The following TSPEAR variants were observed in gnomAD, a reference collection of about 807,000 sequenced individuals.
The protein encoded by TSPEAR is thrombospondin type laminin G domain and EAR repeats.
Under a neutral mutation model 71.6 loss-of-function variants are expected in TSPEAR, and 69 were observed. The observed-to-expected ratio is 0.96, with a 90% CI of 0.79 to 1.18. The LOEUF (loss-of-function observed/expected upper bound fraction) is 1.18, where lower values mean the gene tolerates loss of function less well. Among genes scored for constraint, TSPEAR ranks in the 50% most tolerant of loss-of-function variants. The pLI is 0.00. For missense variants in TSPEAR, 971 were observed against 894.9 expected (o/e 1.09, Z -1.09); for synonymous variants, 402 against 387.2 (o/e 1.04, Z -0.45).
intron 1 of TSPEAR, among the ~76,000 whole-genome samples, chr21:44,579,015 G>T (rs587598002): frequency 1.3e-5 from 2 of 152,282 alleles, no homozygotes; most frequent in East Asian, 3.9e-4. Flanking sequence ...TGTCTCCTGC[G>T]CAGGTGCAGC....
intron 9 of TSPEAR, chr21:44,518,224 T>C (rs782068028): frequency 2.3e-6 from 1 of 434,068 alleles, no homozygotes; most frequent in Non-Finnish European, 4.7e-6. Context: ...TAGCTCAGTT[T>C]CTTTCAGCCT....
intron 8 of TSPEAR, among the ~76,000 whole-genome samples, chr21:44,523,000 C>T (rs1413721488): frequency 6.6e-6 from 1 of 152,132 alleles, no homozygotes; most frequent in East Asian, 1.9e-4. Flanking sequence ...GATAGTCAGT[C>T]ATCAGTTAGT....
chr21:44,641,726 C>G (rs142724693), intron 1 of TSPEAR, among the ~76,000 whole-genome samples: 6 of 152,260 alleles, frequency 3.9e-5, no homozygotes, highest in Non-Finnish European at 8.8e-5. Context: ...AGGTTCTAGA[C>G]AGAGGAAAGA....
intron 1 of TSPEAR, among the ~76,000 whole-genome samples, chr21:44,700,342 T>A (rs1182377943): frequency 6.6e-6 from 1 of 152,132 alleles, no homozygotes; most frequent in Non-Finnish European, 1.5e-5. Flanking sequence ...GCCGTTCCTC[T>A]GTCCTTGCTG....
intron 1 of TSPEAR, among the ~76,000 whole-genome samples, chr21:44,661,949 A>G (rs914315188): frequency 6.6e-6 from 1 of 152,204 alleles, no homozygotes; most frequent in Non-Finnish European, 1.5e-5. Context: ...TCAACATGAG[A>G]TTTGGGCGGG....
intron 1 of TSPEAR, chr21:44,637,996 C>T (rs782363375): frequency 1.2e-6 from 2 of 1,613,858 alleles, no homozygotes; most frequent in Non-Finnish European, 1.7e-6. Flanking sequence ...TGTCCCTCCT[C>T]TGCCACCCTG....
chr21:44,689,274 G>A (rs112685608), intron 1 of TSPEAR, among the ~76,000 whole-genome samples: 133 of 152,250 alleles, frequency 8.7e-4, no homozygotes, highest in Non-Finnish European at 1.5e-3. Flanking sequence ...AGGCCGAGGC[G>A]GGCGGATCAC....
rs1555923137 is a variant in TSPEAR, at chr21:44,573,928, G to T, written c.83-5923C>A. 2.5e-6 allele frequency: 4 copies of T among 1,612,628 alleles called. No individual in the cohort carries two copies. In the Admixed American group the frequency reaches 6.7e-5, roughly 27 times the overall value. On this transcript the variant is annotated intron_variant, in intron 1 of 11. Transcript: ENST00000323084. ...CCGGCCCCCTGCCTGAGCCTGGTCTGCACCCCAGTGAGCCGTGTGTCCAGC... is the reference window on the plus strand; with the variant it reads ...CCGGCCCCCTGCCTGAGCCTGGTCTTCACCCCAGTGAGCCGTGTGTCCAGC...
In TSPEAR at chr21:44,677,204, A is replaced by T. The variant is rs370047622; in HGVS notation, c.82+34229T>A. 6.8e-4 allele frequency: 488 copies of T among 712,486 alleles called. 8 individuals carry two copies. In the South Asian group the frequency reaches 7.0e-3, roughly 10 times the overall value. The allele number at this position is 712,486 out of a possible 1,614,324, so 44.1% of individuals were successfully genotyped here. A position where few individuals can be genotyped will look rare whatever the true frequency, so the allele number is the denominator to read the frequency against. On this transcript the variant is annotated intron_variant, in intron 1 of 11. Coordinates refer to ENST00000323084, the MANE Select transcript of TSPEAR (RefSeq NM_144991.3). ...CTTCTTTCTTTGCATTTTCAGTCAC[A>T]CTTTTCATCTTCTCTACCTCTTCTT...
Position 44,623,010 on chromosome 21 carries a change from T to G in TSPEAR, c.83-55005A>C, listed in dbSNP as rs78419469. ...CTTGCTACTCTTTTGCCATGTGACA[T>G]GCCCACTCCCCCTTCACCTTCCACC... On this transcript the variant is annotated intron_variant, in intron 1 of 11. Coordinates refer to ENST00000323084, the MANE Select transcript of TSPEAR (RefSeq NM_144991.3). The surrounding 1 kb of genome is among the most constrained non-coding windows in gnomAD (Gnocchi z 4.5). 0.017 allele frequency among the ~76,000 whole-genome samples: 2,648 copies of G among 152,258 alleles called. 87 individuals carry two copies. Among genetic ancestry groups the G allele is most frequent in the African/African-American group, 0.06 (2,500 of 41,536 alleles).
intron 1 of TSPEAR, chr21:44,591,528 G>C: frequency 6.2e-7 from 1 of 1,612,606 alleles, no homozygotes; most frequent in Non-Finnish European, 8.5e-7. Context: ...AGGAGGGGAC[G>C]GGCACGCAGC....
intron 1 of TSPEAR, among the ~76,000 whole-genome samples, chr21:44,632,437 A>C (rs1555935882): frequency 2.6e-5 from 4 of 152,252 alleles, no homozygotes; most frequent in Non-Finnish European, 5.9e-5. Flanking sequence ...ACTTCTGGAT[A>C]AATAAATGCT....
chr21:44,539,300 CCT>C, intron 2 of TSPEAR: 2 of 1,608,274 alleles, frequency 1.2e-6, no homozygotes, highest in Non-Finnish European at 1.7e-6. Flanking sequence ...TGAGCAGAGG[CCT>C]CAGCAGGCCG....
rs1378796088 is a variant in TSPEAR, at chr21:44,606,616, C to T, written c.83-38611G>A. The stretch of plus-strand genomic sequence containing the variant: ...ATTCACAATAGCCTAGGTATGGAAT[C>T]GATCTCAGTTCATCAATTGATGAAT... On this transcript the variant is annotated intron_variant, in intron 1 of 11. Transcript: ENST00000323084. Among the ~76,000 whole-genome samples the T allele has an allele frequency of 5.9e-5, 9 of 152,118 alleles. No individual in the cohort carries two copies. In the East Asian group the frequency reaches 1.3e-3, roughly 23 times the overall value.
intron 8 of TSPEAR, among the ~76,000 whole-genome samples, chr21:44,525,037 GGTCA>G (rs1237525437): frequency 2.0e-5 from 3 of 148,470 alleles, no homozygotes; most frequent in Non-Finnish European, 4.5e-5. Context: ...TCATTCAGGT[GGTCA>G]GTCAGTCAGG....
At chr21:44,544,237 A>T (rs1197501600) in intron 2 of TSPEAR, among the ~76,000 whole-genome samples, 2 of 152,212 alleles carry the variant, frequency 1.3e-5, no homozygotes, top group African/African-American at 4.8e-5. Flanking sequence ...TTATATGGCA[A>T]AATACTAAAC....
chr21:44,534,677 C>T (rs1456811530), intron 2 of TSPEAR, among the ~76,000 whole-genome samples: 2 of 152,158 alleles, frequency 1.3e-5, no homozygotes, highest in African/African-American at 4.8e-5. Context: ...AACTCTTGCG[C>T]ACTGTTGGTG....
At position 44,517,538 on chromosome 21, in the gene TSPEAR, A is replaced by G. The variant is rs1476357946; in HGVS notation, c.1566+4345T>C. ...TGTGAGGACACGTGAGTACAGGTCC[A>G]GCTAGGCTGGGACATGTGACTGGCA... On this transcript the variant is annotated intron_variant, in intron 9 of 11. Transcript: ENST00000323084. 4 of 343,358 alleles carry G rather than the reference A, an allele frequency of 1.2e-5. No individual in the cohort carries two copies. The Admixed American group carries it at 1.6e-4, about 14-fold the overall frequency. The allele number at this position is 343,358 out of a possible 1,614,324, so 21.3% of individuals were successfully genotyped here.
chr21:44,514,612 A>T (rs1458922373), intron 9 of TSPEAR, among the ~76,000 whole-genome samples: 1 of 152,150 alleles, frequency 6.6e-6, no homozygotes, highest in African/African-American at 2.4e-5. Flanking sequence ...CCTATTTTGG[A>T]GTCCACATTT....
Sources: allele counts gnomAD v4.1 joint callset (sites outside exome capture counted in the v4.1 genomes callset), GRCh38; gene constraint gnomAD v4.1.1; non-coding constraint Gnocchi (gnomAD v3.1); transcripts MANE v1.5; gene names NCBI Gene and HGNC (gene_info 2026-07-23, HGNC 2026-07-21).